CCDC141: variants seen among roughly 807,000 people sequenced by gnomAD.
CCDC141 encodes the protein coiled-coil domain containing 141.
CCDC141 carries 168 observed loss-of-function variants against 181.0 expected under a neutral mutation model. The ratio of observed to expected loss-of-function variants is 0.93; its 90% confidence interval spans 0.82 to 1.05. The LOEUF (loss-of-function observed/expected upper bound fraction) is 1.05, where lower values mean the gene tolerates loss of function less well. CCDC141 is among the 50% of genes least tolerant of loss of function. The pLI, the probability that CCDC141 is intolerant of heterozygous loss-of-function variation, is 0.00. For missense variants in CCDC141, 1,902 were observed against 1,788.5 expected (o/e 1.06, Z -1.14); for synonymous variants, 666 against 642.3 (o/e 1.04, Z -0.56).
intron 8 of CCDC141, among the ~76,000 whole-genome samples, chr2:178,899,750 A>G (rs1687594488): frequency 6.6e-6 from 1 of 152,112 alleles, no homozygotes; most frequent in African/African-American, 2.4e-5. Context: ...CTCTGTTGAA[A>G]TTTACATTGA....
intron 7 of CCDC141, among the ~76,000 whole-genome samples, chr2:178,917,290 TCAATAGCTC>T (rs1365472654): frequency 6.6e-6 from 1 of 152,218 alleles, no homozygotes; most frequent in African/African-American, 2.4e-5. Context: ...TCTAATTAGT[TCAATAGCTC>T]CAGTAATATG....
intron 2 of CCDC141, among the ~76,000 whole-genome samples, chr2:178,994,938 C>G (rs1692216494): frequency 6.6e-6 from 1 of 152,216 alleles, no homozygotes; most frequent in African/African-American, 2.4e-5. Context: ...CCATCTGAGA[C>G]CACATCAGCC....
At position 178,877,866 on chromosome 2, in the gene CCDC141, GAAC is replaced by G. The variant is rs1005409368; in HGVS notation, c.1899+95_1899+97del. ...AAGCTAAAGAGAACTCCCTAGGAGA[GAAC>G]TGCTGATTAATAGACAGCTGAACCT... On this transcript the variant is annotated intron_variant, in intron 12 of 23. Coordinates refer to ENST00000443758, the MANE Select transcript of CCDC141 (RefSeq NM_173648.4). 9.5e-6 allele frequency: 11 copies of G among 1,162,646 alleles called. No individual in the cohort carries two copies. The African/African-American group carries it at 1.5e-4, about 16-fold the overall frequency. The allele number at this position is 1,162,646 out of a possible 1,614,324, so 72.0% of individuals were successfully genotyped here.
At chr2:178,911,476 A>G (rs1688215074) in intron 7 of CCDC141, among the ~76,000 whole-genome samples, 1 of 152,226 alleles carries the variant, frequency 6.6e-6, no homozygotes, top group Non-Finnish European at 1.5e-5. Context: ...TTATTTTGGC[A>G]AAGTGTAATG....
chr2:179,022,443 C>T (rs548876089), intron 2 of CCDC141, among the ~76,000 whole-genome samples: 3 of 152,150 alleles, frequency 2.0e-5, no homozygotes, highest in Non-Finnish European at 4.4e-5. Context: ...AAGCCAAAGC[C>T]GAGGAAAGAG....
At chr2:178,970,789 G>C (rs1316254807) in intron 4 of CCDC141, among the ~76,000 whole-genome samples, 1 of 152,204 alleles carries the variant, frequency 6.6e-6, no homozygotes, top group Non-Finnish European at 1.5e-5. Context: ...TTAAACTAAA[G>C]AACTTCTGCA....
intron 7 of CCDC141, among the ~76,000 whole-genome samples, chr2:178,918,293 A>C (rs2154374516): frequency 6.6e-6 from 1 of 151,998 alleles, no homozygotes; most frequent in South Asian, 2.1e-4. Flanking sequence ...CTATGATTCC[A>C]GCTACGTGGG....
At chr2:178,846,726 TG>T (rs1684954891) in intron 21 of CCDC141, among the ~76,000 whole-genome samples, 1 of 152,216 alleles carries the variant, frequency 6.6e-6, no homozygotes, top group African/African-American at 2.4e-5. Context: ...TATTGACTAT[TG>T]GGGCCCATGT....
intron 21 of CCDC141, among the ~76,000 whole-genome samples, chr2:178,847,323 A>T (rs1684981132): frequency 6.6e-6 from 1 of 152,204 alleles, no homozygotes; most frequent in South Asian, 2.1e-4. Flanking sequence ...TGAGCCCAGG[A>T]GTTTGAGACC....
chr2:178,850,186 G>A (rs767998999), intron 20 of CCDC141, 25 bp from the exon 21 acceptor site: 2 of 1,269,520 alleles, frequency 1.6e-6, no homozygotes, highest in Middle Eastern at 1.8e-4. Context: ...GATGAAACTA[G>A]TTTTAAAGGT....
rs1049076130 is a variant in CCDC141, at chr2:178,878,043, T to C, written c.1820A>G (p.Glu607Gly). ...AKAKHCSDSA[E>G]KQWQLFLKKS... ...CTTTAAAAATAGCTGCCACTGCTTCTCAGCCGAGTCAGAACAATGCTTGGC... is the reference window on the plus strand; with the variant it reads ...CTTTAAAAATAGCTGCCACTGCTTCCCAGCCGAGTCAGAACAATGCTTGGC... The change falls in exon 12 of 24, where the codon GAG becomes GGG. Residue 607 changes from glutamate to glycine, a missense_variant. Glu to Gly is a moderately conservative substitution (Grantham distance 98). Transcript: ENST00000443758. 1 of 1,613,846 alleles carries C rather than the reference T, an allele frequency of 6.2e-7. No homozygotes were observed. The highest frequency in any genetic ancestry group is 2.2e-5 in the East Asian group (1 of 44,876).
intron 22 of CCDC141, among the ~76,000 whole-genome samples, chr2:178,842,793 G>A (rs1561626653): frequency 6.6e-6 from 1 of 152,190 alleles, no homozygotes; most frequent in African/African-American, 2.4e-5. Context: ...GGCCCTTAGC[G>A]GGGGCTTTAG....
At position 178,856,406 on chromosome 2, in the gene CCDC141, C is replaced by A; in HGVS notation, c.2725-9G>T. On this transcript the variant is annotated splice_polypyrimidine_tract_variant and intron_variant, in intron 17 of 23. Transcript: ENST00000443758. ...TTGAATGAGTCTTTGAGCTGTAGTT[C>A]AATAAAAAGAAATAGGTGGTTTCCT... 1.3e-6 allele frequency: 2 copies of A among 1,534,988 alleles called. No individual in the cohort carries two copies. Among genetic ancestry groups the A allele is most frequent in the South Asian group, 2.5e-5 (2 of 81,540 alleles).
chr2:178,947,904 G>A lies in CCDC141; in HGVS notation c.781-3253C>T, dbSNP rs115415074. 7.8e-4 allele frequency among the ~76,000 whole-genome samples: 119 copies of A among 152,272 alleles called. 1 individual carries two copies. The highest frequency in any genetic ancestry group is 2.7e-3 in the African/African-American group (113 of 41,552). The stretch of plus-strand genomic sequence containing the variant: ...AAATATAATGAAAATATCTCATTAA[G>A]AATGTTAGTATGAATATGAGTATGG... On this transcript the variant is annotated intron_variant, in intron 5 of 23. Transcript: ENST00000443758.
At chr2:178,945,593 A>G (rs1187961822) in intron 5 of CCDC141, among the ~76,000 whole-genome samples, 1 of 152,126 alleles carries the variant, frequency 6.6e-6, no homozygotes, top group Non-Finnish European at 1.5e-5. Flanking sequence ...TGCTTGAGTT[A>G]TTTAAGGTCT....
At chr2:178,847,711 G>C (rs1409720981) in intron 21 of CCDC141, among the ~76,000 whole-genome samples, 1 of 152,160 alleles carries the variant, frequency 6.6e-6, no homozygotes, top group Non-Finnish European at 1.5e-5. Flanking sequence ...GATTATACTA[G>C]TGTTATAGCC....
At chr2:178,920,509 C>T (rs1688637101) in intron 6 of CCDC141, among the ~76,000 whole-genome samples, 1 of 151,938 alleles carries the variant, frequency 6.6e-6, no homozygotes, top group African/African-American at 2.4e-5. Context: ...ATGGCATGAG[C>T]CCAGGAGTTT....
chr2:179,023,928 C>T (rs1397660467), intron 2 of CCDC141, among the ~76,000 whole-genome samples: 1 of 152,128 alleles, frequency 6.6e-6, no homozygotes, highest in Non-Finnish European at 1.5e-5. Context: ...ATTATACAGG[C>T]CATGCTTGTG....
chr2:178,883,527 A>G (rs1409543327), intron 11 of CCDC141, among the ~76,000 whole-genome samples: 1 of 152,192 alleles, frequency 6.6e-6, no homozygotes, highest in Non-Finnish European at 1.5e-5. Context: ...AGAATATTAT[A>G]AAGGAATTGG....
Sources: allele counts gnomAD v4.1 joint callset (sites outside exome capture counted in the v4.1 genomes callset), GRCh38; gene constraint gnomAD v4.1.1; transcripts MANE v1.5; gene names NCBI Gene and HGNC (gene_info 2026-07-23, HGNC 2026-07-21).